The following RHOBTB2 variants were observed in gnomAD, a reference collection of about 807,000 sequenced individuals.
RHOBTB2 encodes Rho related BTB domain containing 2, also known as rho-related BTB domain-containing protein 2.
Under a neutral mutation model 66.5 loss-of-function variants are expected in RHOBTB2, and 39 were observed. The observed-to-expected ratio is 0.59, with a 90% CI of 0.45 to 0.77. The LOEUF (loss-of-function observed/expected upper bound fraction) is 0.77, where lower values mean the gene tolerates loss of function less well. Among genes scored for constraint, RHOBTB2 ranks in the 30% least tolerant of loss-of-function variants. The pLI, the probability that RHOBTB2 is intolerant of heterozygous loss-of-function variation, is 0.00. For synonymous variants in RHOBTB2, 390 were observed against 395.0 expected, an observed-to-expected ratio of 0.99 and a Z score of 0.15; for missense variants, 755 against 999.1, an observed-to-expected ratio of 0.76 and a Z score of 3.29.
chr8:22,956,604 G>A, the RHOBTB2 span, among the ~76,000 whole-genome samples: 3 of 152,156 alleles, frequency 2.0e-5, no homozygotes, highest in African/African-American at 4.8e-5. Flanking sequence ...GTGGAATCAT[G>A]AGCCAACTAA....
chr8:22,966,617 T>C, the RHOBTB2 span, among the ~76,000 whole-genome samples: 1 of 148,670 alleles, frequency 6.7e-6, no homozygotes, highest in Non-Finnish European at 1.5e-5. Flanking sequence ...CTTACCTCCA[T>C]GAAAAGAAAA....
rs1384975726 is a variant in RHOBTB2, at chr8:23,018,514, G to A, written c.*1045G>A. ...AGGTGAAGATTTAGGTTGCAGAATCGACTCCAATGCCTTTCAGGAAAGGAC... is the reference window on the plus strand; with the variant it reads ...AGGTGAAGATTTAGGTTGCAGAATCAACTCCAATGCCTTTCAGGAAAGGAC... On this transcript the variant is annotated 3_prime_UTR_variant, in exon 10 of 10. Coordinates refer to ENST00000251822, the MANE Select transcript of RHOBTB2 (RefSeq NM_015178.3). 20 of 152,290 alleles carry A rather than the reference G, an allele frequency of 1.3e-4. No individual in the cohort carries two copies. The highest frequency in any genetic ancestry group is 1.3e-3 in the Admixed American group (20 of 15,278). 9.4% of individuals were successfully genotyped at this position (152,290 alleles called of 1,614,324 possible).
chr8:22,982,880 A>G (rs1300573640), upstream of RHOBTB2, among the ~76,000 whole-genome samples: 1 of 152,186 alleles, frequency 6.6e-6, no homozygotes, highest in African/African-American at 2.4e-5. Context: ...TTTCTCACAG[A>G]CAGCGCCTTC....
At chr8:22,969,134 C>T in the RHOBTB2 span, among the ~76,000 whole-genome samples, 2 of 152,140 alleles carry the variant, frequency 1.3e-5, no homozygotes, top group Admixed American at 6.5e-5. Context: ...GTGAAAGGCA[C>T]ATCTTAAATG....
At chr8:22,953,381 C>A in the RHOBTB2 span, among the ~76,000 whole-genome samples, 1 of 151,486 alleles carries the variant, frequency 6.6e-6, no homozygotes, top group Non-Finnish European at 1.5e-5. Flanking sequence ...AGACAACTAA[C>A]CACAGTCTGA....
chr8:22,954,666 TA>T, the RHOBTB2 span, among the ~76,000 whole-genome samples: 1 of 152,154 alleles, frequency 6.6e-6, no homozygotes, highest in South Asian at 2.1e-4. Context: ...TCAGGTGGAT[TA>T]AAAAATGAAA....
upstream of RHOBTB2, among the ~76,000 whole-genome samples, chr8:22,983,446 T>G (rs1810243386): frequency 6.7e-6 from 1 of 149,614 alleles, no homozygotes; most frequent in Non-Finnish European, 1.5e-5. Context: ...AGGCCAGGAG[T>G]TTGAGGTATG....
At position 23,006,948 on chromosome 8, in the gene RHOBTB2, C is replaced by A. The variant is rs781447612; in HGVS notation, c.703C>A (p.Pro235Thr). ...QRPLLQAPFL[P>T]PKPPPPIIVV... ...GCCTCTGCTGCAGGCACCCTTCCTA[C>A]CCCCCAAGCCACCGCCCCCGATCAT... The change falls in exon 5 of 10, where the codon CCC (proline) becomes ACC (threonine). Residue 235 changes from proline (P) to threonine (T), a missense_variant. By Grantham distance (38) the Pro-to-Thr change is conservative. Around this residue, in one of 7 missense-constraint regions of RHOBTB2, gnomAD observed 247 missense variants for 238.9 expected, o/e 1.03. Transcript: ENST00000251822. The surrounding 1 kb of genome is among the most constrained non-coding windows in gnomAD (Gnocchi z 6.1). The A allele has an allele frequency of 6.2e-7, 1 of 1,612,198 alleles. No homozygotes were observed. The highest frequency in any genetic ancestry group is 1.1e-5 in the South Asian group (1 of 91,066).
the RHOBTB2 span, among the ~76,000 whole-genome samples, chr8:22,969,374 AAAT>A: frequency 6.6e-6 from 1 of 152,252 alleles, no homozygotes; most frequent in African/African-American, 2.4e-5. Flanking sequence ...TATCACTGGG[AAAT>A]AATATTGACA....
Position 23,007,290 on chromosome 8 carries a change from G to C in RHOBTB2, c.1045G>C (p.Glu349Gln). The C allele has an allele frequency of 6.2e-7, 1 of 1,613,720 alleles. No homozygotes were observed. Among genetic ancestry groups the C allele is most frequent in the Non-Finnish European group, 8.5e-7 (1 of 1,179,988 alleles). ...CCGAGCAGCCAGCTTTGACGTGTGC[G>C]AGAGCGTGGATGAGGCTGGGGGCTC... ...LLRAASFDVC[E>Q]SVDEAGGSGP... Residue 349 changes from glutamate (E) to glutamine (Q), a missense_variant, in exon 5 of 10, where the codon GAG (glutamate) becomes CAG (glutamine). By Grantham distance (29) the Glu-to-Gln change is conservative (BLOSUM62 2). Transcript: ENST00000251822.
At chr8:22,991,810 C>T (rs563135204) in intron 1 of RHOBTB2, among the ~76,000 whole-genome samples, 53 of 152,320 alleles carry the variant, frequency 3.5e-4, no homozygotes, top group Admixed American at 8.5e-4. Flanking sequence ...CCAGGTGGCC[C>T]CTGGCAATCC....
Position 23,007,599 on chromosome 8 carries a change from G to A in RHOBTB2, c.1354G>A (p.Ala452Thr). Residue 452 changes from alanine (A) to threonine (T), a missense_variant, in exon 5 of 10, where the codon GCT becomes ACT. Around this residue, in one of 7 missense-constraint regions of RHOBTB2, gnomAD observed 353 missense variants for 458.2 expected, o/e 0.77. Coordinates refer to ENST00000251822, the MANE Select transcript of RHOBTB2 (RefSeq NM_015178.3). ...TGACCTCATGCACATTGCCCACATT[G>A]CTGAGCTGCTCGAGGTCTTTGATCT... ...ERDLMHIAHIAELLEVFDLRM... is the reference protein window; with the variant it reads ...ERDLMHIAHITELLEVFDLRM... 6.2e-7 allele frequency: 1 copy of A among 1,614,180 alleles called. No homozygotes were observed. The highest frequency in any genetic ancestry group is 1.1e-5 in the South Asian group (1 of 91,078).
rs773506811 is a variant in RHOBTB2 at position 23,015,682 on chromosome 8, C to T, written c.1905C>T (p.Ile635=). 1.9e-6 allele frequency: 3 copies of T among 1,614,106 alleles called. No individual in the cohort carries two copies. The highest frequency in any genetic ancestry group is 2.2e-5 in the South Asian group (2 of 91,076). ...YQLADWCLHH[I]CTNYNNVCRK... ...TGGCCGACTGGTGTCTCCACCACATCTGCACCAACTACAACAACGTGTGCC... is the reference window on the plus strand; with the variant it reads ...TGGCCGACTGGTGTCTCCACCACATTTGCACCAACTACAACAACGTGTGCC... The change falls in exon 9 of 10, where the codon ATC becomes ATT. Residue 635 remains isoleucine, a synonymous_variant. Transcript: ENST00000251822.
chr8:22,953,268 A>G, the RHOBTB2 span, among the ~76,000 whole-genome samples: 1 of 151,772 alleles, frequency 6.6e-6, no homozygotes, highest in African/African-American at 2.4e-5. Flanking sequence ...CACTCTCCCA[A>G]CTCCTAAGAT....
rs1811291462 is a variant in RHOBTB2, at chr8:23,016,359, GTC to G, written c.1966+619_1966+620del. On this transcript the variant is annotated intron_variant, in intron 9 of 9. Coordinates refer to ENST00000251822, the MANE Select transcript of RHOBTB2 (RefSeq NM_015178.3). The stretch of plus-strand genomic sequence containing the variant: ...CCGTGTTTTTGCCTCATGCTGCCAA[GTC>G]TCCACCCCGATCTCTCCTTTTCACT... Among the ~76,000 whole-genome samples the G allele has an allele frequency of 3.3e-5, 5 of 152,050 alleles. No individual in the cohort carries two copies. In the South Asian group the frequency reaches 1.0e-3, roughly 32 times the overall value.
Position 23,018,031 on chromosome 8 carries a change from T to G in RHOBTB2, c.*562T>G. On this transcript the variant is annotated 3_prime_UTR_variant, in exon 10 of 10. Coordinates refer to ENST00000251822, the MANE Select transcript of RHOBTB2 (RefSeq NM_015178.3). ...AGGCTTCTACATCCTGGGGTGCAGC[T>G]GCAAAAGGCCAGACGTGGAAAGGCC... 1 of 157,552 alleles carries G rather than the reference T, an allele frequency of 6.3e-6. No individual in the cohort carries two copies. Among genetic ancestry groups the G allele is most frequent in the South Asian group, 1.8e-4 (1 of 5,532 alleles). The allele number at this position is 157,552 out of a possible 1,614,324, so 9.8% of individuals were successfully genotyped here.
chr8:23,003,198 G>A (rs1410314528), intron 1 of RHOBTB2, among the ~76,000 whole-genome samples: 1 of 152,214 alleles, frequency 6.6e-6, no homozygotes, highest in African/African-American at 2.4e-5. Context: ...TCCTAATCAC[G>A]CTGGCCCTGC....
chr8:23,010,735 G>T, intron 7 of RHOBTB2, 47 bp downstream of exon 7: 1 of 1,600,638 alleles, frequency 6.2e-7, no homozygotes, highest in Non-Finnish European at 8.5e-7. Context: ...AGAGGCCAGG[G>T]AAACCCCAAG....
chr8:23,004,810 G>A lies in RHOBTB2; in HGVS notation c.192+184G>A. On this transcript the variant is annotated intron_variant, in intron 2 of 9. Transcript: ENST00000251822. The surrounding 1 kb of genome is among the most constrained non-coding windows in gnomAD (Gnocchi z 6.4). ...AGGTTTAAGCCAAGTCTGCCCCAGGGAAGTGTCTCTGGCTGGTTGTGTTTT... is the reference window on the plus strand; with the variant it reads ...AGGTTTAAGCCAAGTCTGCCCCAGGAAAGTGTCTCTGGCTGGTTGTGTTTT... 1.6e-6 allele frequency: 1 copy of A among 624,442 alleles called. No individual in the cohort carries two copies. The allele number at this position is 624,442 out of a possible 1,614,324, so 38.7% of individuals were successfully genotyped here. A position where few individuals can be genotyped will look rare whatever the true frequency, so the allele number is the denominator to read the frequency against.
Sources: allele counts gnomAD v4.1 joint callset (sites outside exome capture counted in the v4.1 genomes callset), GRCh38; gene constraint gnomAD v4.1.1; regional missense constraint gnomAD v4.1.1; non-coding constraint Gnocchi (gnomAD v3.1); transcripts MANE v1.5; gene names NCBI Gene and HGNC (gene_info 2026-07-23, HGNC 2026-07-21).